Variants in CASC3 observed in about 807,000 individuals in gnomAD.
The protein encoded by CASC3 is protein CASC3.
In CASC3, 30 loss-of-function variants were observed where a neutral mutation model predicts 80.5. The ratio of observed to expected loss-of-function variants is 0.37; its 90% CI spans 0.28 to 0.51. CASC3 has a LOEUF of 0.51. CASC3 is among the 20% of genes least tolerant of loss of function. The pLI is 0.94. For missense variants in CASC3, 824 were observed against 922.2 expected (o/e 0.89, Z 1.38); for synonymous variants, 312 against 333.6 (o/e 0.94, Z 0.70).
At chr17:40,157,303 C>T (rs1247791224) in intron 3 of CASC3, among the ~76,000 whole-genome samples, 4 of 151,624 alleles carry the variant, frequency 2.6e-5, no homozygotes, top group Admixed American at 2.6e-4. Flanking sequence ...TGAGATTGCA[C>T]CACTACATTC....
chr17:40,154,041 C>G (rs553820854), intron 3 of CASC3, among the ~76,000 whole-genome samples: 2 of 149,112 alleles, frequency 1.3e-5, no homozygotes, highest in Admixed American at 6.7e-5. Context: ...TCTAGATGTC[C>G]TATTAGGTAT....
At position 40,162,100 on chromosome 17, in the gene CASC3, A is replaced by G; in HGVS notation, c.555A>G (p.Lys185=). The stretch of plus-strand genomic sequence containing the variant: ...AGAATCCAGCATACATACCTCGGAA[A>G]GGGCTCTTCTTTGAGCATGATCTTC... The part of the protein sequence containing the change: ...DRKNPAYIPR[K]GLFFEHDLRG... Residue 185 remains lysine (K), a synonymous_variant, in exon 5 of 14, where the codon AAA becomes AAG. Coordinates refer to ENST00000264645, the MANE Select transcript of CASC3 (RefSeq NM_007359.5). The G allele has an allele frequency of 6.2e-7, 1 of 1,614,062 alleles. No homozygotes were observed. Among genetic ancestry groups the G allele is most frequent in the Non-Finnish European group, 8.5e-7 (1 of 1,179,988 alleles).
Position 40,141,232 on chromosome 17 carries a change from ATGG to A in CASC3, c.259+1_259+3del. On this transcript the variant is annotated splice_donor_variant and coding_sequence_variant, in exon 2 of 14. Coordinates refer to ENST00000264645, the MANE Select transcript of CASC3 (RefSeq NM_007359.5). LOFTEE classifies it high-confidence loss of function. Reference sequence around the variant, plus strand: ...GAGAGTGAAGATGGCATTGAAGGTGATGGTGAGTAGCATCTTTTACCCCATTAG... The same window carrying A: ...GAGAGTGAAGATGGCATTGAAGGTGATGAGTAGCATCTTTTACCCCATTAG... 1.2e-6 allele frequency: 2 copies of A among 1,613,620 alleles called. No individual in the cohort carries two copies. The highest frequency in any genetic ancestry group is 1.7e-6 in the Non-Finnish European group (2 of 1,179,542).
chr17:40,146,689 C>T (rs1186112325), intron 3 of CASC3, among the ~76,000 whole-genome samples: 5 of 152,030 alleles, frequency 3.3e-5, no homozygotes, highest in Non-Finnish European at 4.4e-5. Context: ...CCGCCTGCCT[C>T]GGCCTCCCAA....
intron 3 of CASC3, among the ~76,000 whole-genome samples, chr17:40,150,217 CAA>C (rs1988965614): frequency 6.6e-6 from 1 of 151,970 alleles, no homozygotes; most frequent in African/African-American, 2.4e-5. Context: ...CCTCTCTCTA[CAA>C]AAAATCAACC....
chr17:40,163,465 A>T lies in CASC3; in HGVS notation c.786-16A>T. ...TTGTTAATTTCCTAACAGTTTCTTC[A>T]TTCCATTTTTTGTAGATATGGGAGT... On this transcript the variant is annotated splice_polypyrimidine_tract_variant and intron_variant, in intron 6 of 13. Coordinates refer to ENST00000264645, the MANE Select transcript of CASC3 (RefSeq NM_007359.5). 2 of 1,591,860 alleles carry T rather than the reference A, an allele frequency of 1.3e-6. No homozygotes were observed. Among genetic ancestry groups the T allele is most frequent in the Non-Finnish European group, 8.5e-7 (1 of 1,170,046 alleles).
chr17:40,144,388 A>C (rs1988799694), intron 3 of CASC3, among the ~76,000 whole-genome samples: 1 of 149,044 alleles, frequency 6.7e-6, no homozygotes, highest in Non-Finnish European at 1.5e-5. Flanking sequence ...TCTGTAACCC[A>C]GGCAAGAGTG....
chr17:40,154,983 G>A (rs554974117), intron 3 of CASC3, among the ~76,000 whole-genome samples: 2 of 152,050 alleles, frequency 1.3e-5, no homozygotes, highest in African/African-American at 2.4e-5. Context: ...TCTGCCTCCC[G>A]GGTTCATGCC....
chr17:40,167,790 A>G, intron 9 of CASC3, 60 bp from the exon 10 acceptor site: 1 of 1,468,212 alleles, frequency 6.8e-7, no homozygotes, highest in Non-Finnish European at 9.5e-7. Context: ...TTGGGGAACA[A>G]GGAGACTTGT....
At position 40,170,744 on chromosome 17, in the gene CASC3, T is replaced by G; in HGVS notation, c.*339T>G. On this transcript the variant is annotated 3_prime_UTR_variant, in exon 14 of 14. Coordinates refer to ENST00000264645, the MANE Select transcript of CASC3 (RefSeq NM_007359.5). ...TCTTCACTTCTGGGAAATTGAAGTGTCTTCTGTTCCCAAGGAAGCTCCTTC... is the reference window on the plus strand; with the variant it reads ...TCTTCACTTCTGGGAAATTGAAGTGGCTTCTGTTCCCAAGGAAGCTCCTTC... 1.0e-6 allele frequency: 1 copy of G among 985,466 alleles called. No homozygotes were observed. The highest frequency in any genetic ancestry group is 1.2e-6 in the Non-Finnish European group (1 of 829,832). The allele number at this position is 985,466 out of a possible 1,614,324, so 61.0% of individuals were successfully genotyped here.
At chr17:40,166,030 T>C (rs1221703480) in intron 7 of CASC3, among the ~76,000 whole-genome samples, 2 of 152,058 alleles carry the variant, frequency 1.3e-5, no homozygotes, top group African/African-American at 4.8e-5. Flanking sequence ...CCACCCAGAG[T>C]GCTGGGCTTA....
In CASC3 at chr17:40,141,220, G is replaced by T. The variant is rs1988707399; in HGVS notation, c.245G>T (p.Gly82Val). 1 of 1,613,980 alleles carries T rather than the reference G, an allele frequency of 6.2e-7. No homozygotes were observed. Among genetic ancestry groups the T allele is most frequent in the Admixed American group, 1.7e-5 (1 of 60,026 alleles). The change falls in exon 2 of 14, where the codon GGC becomes GTC. Residue 82 changes from glycine to valine, a missense_variant. This residue lies in a region of CASC3 where 159 missense variants were observed against 122.2 expected (regional missense o/e 1.30). Coordinates refer to ENST00000264645, the MANE Select transcript of CASC3 (RefSeq NM_007359.5). The part of the protein sequence containing the change: ...AEESECESED[G>V]IEGDAVLSDY... ...GCTTTCTTTCAGGAGAGTGAAGATG[G>T]CATTGAAGGTGATGGTGAGTAGCAT...
chr17:40,171,649 C>T lies in CASC3; in HGVS notation c.*1244C>T. The T allele has an allele frequency of 3.0e-6, 3 of 1,011,814 alleles. No individual in the cohort carries two copies. The allele number at this position is 1,011,814 out of a possible 1,614,324, so 62.7% of individuals were successfully genotyped here. On this transcript the variant is annotated 3_prime_UTR_variant, in exon 14 of 14. Coordinates refer to ENST00000264645, the MANE Select transcript of CASC3 (RefSeq NM_007359.5). ...CTATCTTTCCTCCCTATCCATGGCA[C>T]TAAACCACTTCTCTGCTGCCTCTGT...
chr17:40,167,663 G>A (rs1306494980), intron 9 of CASC3, 51 bp downstream of exon 9: 1 of 1,435,052 alleles, frequency 7.0e-7, no homozygotes, highest in South Asian at 1.1e-5. Context: ...GTGAAGTGAA[G>A]TAAGATACCA....
At chr17:40,167,687 T>C (rs2145183122) in intron 9 of CASC3, 75 bp downstream of exon 9, 1 of 1,321,286 alleles carries the variant, frequency 7.6e-7, no homozygotes, top group Non-Finnish European at 1.1e-6. Flanking sequence ...TCCTGGCTCC[T>C]GAATTTCTCT....
chr17:40,169,742 CTTTTTTTTTTTT>C (rs56186811), intron 13 of CASC3, 80 bp downstream of exon 13: 36 of 96,518 alleles, frequency 3.7e-4, no homozygotes, highest in Admixed American at 5.4e-4. Context: ...TTAATTAATG[CTTTTTTTTTTTT>C]TTTTTTTTTT....
At chr17:40,162,316 C>CTTG (rs1165430622) in intron 5 of CASC3, among the ~76,000 whole-genome samples, 163 bp downstream of exon 5, 3 of 152,126 alleles carry the variant, frequency 2.0e-5, no homozygotes, top group African/African-American at 4.8e-5. Flanking sequence ...TTTGGTAACT[C>CTTG]TTGGTGAGGC....
At chr17:40,141,707 C>T in intron 3 of CASC3, 100 bp downstream of exon 3, 2 of 886,416 alleles carry the variant, frequency 2.3e-6, no homozygotes, top group Non-Finnish European at 3.8e-6. Flanking sequence ...CCGTGTTTAT[C>T]CTCTTGTGTA....
At position 40,140,874 on chromosome 17, in the gene CASC3, A is replaced by G. The variant is rs367657738; in HGVS notation, c.231+95A>G. ...GCTAGGTAGTCTGTGAGTTGATAGT[A>G]GATACTGGGACTTTTTTTTGTTTTT... is the stretch of plus-strand genomic sequence containing the variant. On this transcript the variant is annotated intron_variant, in intron 1 of 13. Coordinates refer to ENST00000264645, the MANE Select transcript of CASC3 (RefSeq NM_007359.5). 170 of 972,422 alleles carry G rather than the reference A, an allele frequency of 1.7e-4. 2 individuals carry two copies. In the South Asian group the frequency reaches 2.5e-3, roughly 14 times the overall value. The allele number at this position is 972,422 out of a possible 1,614,324, so 60.2% of individuals were successfully genotyped here.
Sources: gnomAD v4.1 joint callset for allele counts (sites outside exome capture counted in the v4.1 genomes callset) on GRCh38, gnomAD v4.1.1 for gene constraint, gnomAD v4.1.1 regional missense constraint, MANE v1.5 for transcripts, NCBI Gene and HGNC (gene_info 2026-07-23, HGNC 2026-07-21) for gene names.